GRIK4: variants seen among roughly 807,000 people sequenced by gnomAD.
GRIK4 encodes the protein glutamate receptor ionotropic, kainate 4.
A neutral mutation model predicts 104.9 loss-of-function variants in GRIK4; 40 were observed. The ratio of observed to expected loss-of-function variants is 0.38; its 90% CI spans 0.30 to 0.50. GRIK4 has a LOEUF of 0.50. Ranked by LOEUF, GRIK4 falls within the 20% of genes least tolerant of loss-of-function variation. The probability of loss-of-function intolerance (pLI) is 0.93; values close to 1 mark genes in which losing one functional copy is unlikely to be tolerated. For synonymous variants in GRIK4, 485 were observed against 524.9 expected (o/e 0.92, Z 1.04); for missense variants, 1,047 against 1,308.1 (o/e 0.80, Z 3.08).
At chr11:120,740,984 C>T (rs1951318567) in intron 3 of GRIK4, among the ~76,000 whole-genome samples, 1 of 152,092 alleles carries the variant, frequency 6.6e-6, no homozygotes, top group Admixed American at 6.5e-5. Flanking sequence ...GGACCAGGGA[C>T]CTAAGGGAGG....
In GRIK4 at chr11:120,735,779, C is replaced by T. The variant is rs74194208; in HGVS notation, c.83-66914C>T. 4.6e-3 allele frequency among the ~76,000 whole-genome samples: 695 copies of T among 152,258 alleles called. 25 individuals are homozygous for T. In the East Asian group the frequency reaches 0.086, roughly 19 times the overall value. ...TCCTTCCCACTCTTCCCTCTCCTTT[C>T]CACAGGCAGAGGAGCCTTTCCTCAT... On this transcript the variant is annotated intron_variant, in intron 3 of 20. Transcript: ENST00000527524.
At chr11:120,887,432 A>G (rs1159778734) in intron 11 of GRIK4, among the ~76,000 whole-genome samples, 3 of 152,232 alleles carry the variant, frequency 2.0e-5, no homozygotes, top group Non-Finnish European at 4.4e-5. Flanking sequence ...CTGCAAATTT[A>G]CATCACTTTA....
At chr11:120,634,009 G>A (rs1184640202) in intron 1 of GRIK4, among the ~76,000 whole-genome samples, 1 of 152,164 alleles carries the variant, frequency 6.6e-6, no homozygotes, top group African/African-American at 2.4e-5. Context: ...GCCAAACGTA[G>A]GTTCAAATCC....
chr11:120,949,794 T>C lies in GRIK4; in HGVS notation c.1591-3061T>C, dbSNP rs12290391. 2.4e-3 allele frequency among the ~76,000 whole-genome samples: 358 copies of C among 152,264 alleles called. 1 individual carries two copies. Among genetic ancestry groups the C allele is most frequent in the African/African-American group, 8.3e-3 (344 of 41,538 alleles). Reference sequence around the variant, plus strand: ...GCTTGATGAATGAGCACCAGAGAAATTGAAGCCATTGCCAATGATTTGAGC... The same window carrying C: ...GCTTGATGAATGAGCACCAGAGAAACTGAAGCCATTGCCAATGATTTGAGC... On this transcript the variant is annotated intron_variant, in intron 14 of 20. Transcript: ENST00000527524.
At chr11:120,629,219 T>C (rs1200479255) in intron 1 of GRIK4, among the ~76,000 whole-genome samples, 1 of 152,146 alleles carries the variant, frequency 6.6e-6, no homozygotes, top group South Asian at 2.1e-4. Flanking sequence ...AGGGCAGTGG[T>C]TGATGATCTG....
At chr11:120,874,272 A>G in intron 10 of GRIK4, 54 bp downstream of exon 10, 1 of 1,460,884 alleles carries the variant, frequency 6.8e-7, no homozygotes, top group Non-Finnish European at 9.4e-7. Context: ...GGGGTGGGAC[A>G]CTTGGTTCAA....
At chr11:120,551,641 C>T (rs1475136663) in intron 1 of GRIK4, among the ~76,000 whole-genome samples, 2 of 152,030 alleles carry the variant, frequency 1.3e-5, no homozygotes, top group Middle Eastern at 3.4e-3. Context: ...ATTAGCTGGG[C>T]GTGGTGGTGG....
At chr11:120,964,718 C>T (rs1180126787) in intron 18 of GRIK4, among the ~76,000 whole-genome samples, 2 of 152,150 alleles carry the variant, frequency 1.3e-5, no homozygotes, top group Non-Finnish European at 2.9e-5. Flanking sequence ...AATTCATTTG[C>T]TCTATATCTG....
At chr11:120,699,097 G>A (rs748617453) in intron 3 of GRIK4, among the ~76,000 whole-genome samples, 58 of 152,274 alleles carry the variant, frequency 3.8e-4, no homozygotes, top group South Asian at 2.1e-4. Flanking sequence ...CATATTTCCC[G>A]TTGCCACTGG....
intron 18 of GRIK4, chr11:120,962,883 A>G: frequency 2.1e-6 from 1 of 486,610 alleles, no homozygotes; most frequent in South Asian, 3.8e-5. Flanking sequence ...CCAGTGCTCA[A>G]TCCTTAATTA....
At chr11:120,564,984 T>TGGGGGG (rs148651543) in intron 1 of GRIK4, among the ~76,000 whole-genome samples, 75 of 139,130 alleles carry the variant, frequency 5.4e-4, no homozygotes, top group Non-Finnish European at 9.3e-4. Context: ...TGCGGGGGGG[T>TGGGGGG]GGGGGGGGTG....
chr11:120,897,486 T>C (rs1355346959), intron 11 of GRIK4, among the ~76,000 whole-genome samples: 1 of 149,836 alleles, frequency 6.7e-6, no homozygotes, highest in African/African-American at 2.5e-5. Flanking sequence ...ATACAAAAAT[T>C]AGCTGGGGAT....
At chr11:120,876,384 A>C (rs1954816100) in intron 11 of GRIK4, among the ~76,000 whole-genome samples, 1 of 147,016 alleles carries the variant, frequency 6.8e-6, no homozygotes, top group Non-Finnish European at 1.5e-5. Flanking sequence ...CATCACCACC[A>C]CCACCAGCCT....
intron 3 of GRIK4, among the ~76,000 whole-genome samples, chr11:120,788,646 G>C (rs966053477): frequency 6.6e-6 from 1 of 152,136 alleles, no homozygotes; most frequent in Admixed American, 6.5e-5. Flanking sequence ...TGTGCACCAG[G>C]CTCCCTCCAT....
At chr11:120,765,193 TATTTC>T (rs1257196698) in intron 3 of GRIK4, among the ~76,000 whole-genome samples, 1 of 151,962 alleles carries the variant, frequency 6.6e-6, no homozygotes, top group African/African-American at 2.4e-5. Flanking sequence ...CTTCACACTT[TATTTC>T]ATTAAGTTGA....
rs549506550 is a variant in GRIK4 at position 120,615,873 on chromosome 11, C to T, written c.-158-37812C>T. Among the ~76,000 whole-genome samples, 344 of 152,076 alleles carry T rather than the reference C, an allele frequency of 2.3e-3. 1 individual carries two copies. Among genetic ancestry groups the T allele is most frequent in the Non-Finnish European group, 3.7e-3 (252 of 68,004 alleles). On this transcript the variant is annotated intron_variant, in intron 1 of 20. Transcript: ENST00000527524. Reference sequence around the variant, plus strand: ...TTATGTGTCCCCCTACTTCTCTTCTCTGGGCCTAGCGTCCTCATCTGCTAA... The same window carrying T: ...TTATGTGTCCCCCTACTTCTCTTCTTTGGGCCTAGCGTCCTCATCTGCTAA...
At chr11:120,810,485 G>A (rs1952807804) in intron 4 of GRIK4, among the ~76,000 whole-genome samples, 1 of 152,208 alleles carries the variant, frequency 6.6e-6, no homozygotes, top group African/African-American at 2.4e-5. Flanking sequence ...TGGCCTAGGA[G>A]CAAGATCTGA....
intron 1 of GRIK4, among the ~76,000 whole-genome samples, chr11:120,575,017 T>C (rs1397427904): frequency 6.6e-6 from 1 of 152,220 alleles, no homozygotes; most frequent in East Asian, 1.9e-4. Context: ...CCTAAAGCTG[T>C]GTCATGCTTT....
Position 120,524,313 on chromosome 11 carries a change from G to T in GRIK4, c.-159+12426G>T, listed in dbSNP as rs891964177. ...GAACGGCTGCTTTGGTGAGCCGCTT[G>T]TCTGCAGAGGCCCTGGACTCTGGAG... On this transcript the variant is annotated intron_variant, in intron 1 of 20. Coordinates refer to ENST00000527524, the MANE Select transcript of GRIK4 (RefSeq NM_014619.5). The surrounding 1 kb of genome is among the most constrained non-coding windows in gnomAD (Gnocchi z 4.5). Among the ~76,000 whole-genome samples, 7 of 152,200 alleles carry T rather than the reference G, an allele frequency of 4.6e-5. No individual in the cohort carries two copies. The highest frequency in any genetic ancestry group is 1.7e-4 in the African/African-American group (7 of 41,442).
Sources: gnomAD v4.1 joint callset for allele counts (sites outside exome capture counted in the v4.1 genomes callset) on GRCh38, gnomAD v4.1.1 for gene constraint, Gnocchi (gnomAD v3.1) non-coding constraint, MANE v1.5 for transcripts, NCBI Gene and HGNC (gene_info 2026-07-23, HGNC 2026-07-21) for gene names.